The following CBLB variants were observed in gnomAD, a reference collection of about 807,000 sequenced individuals.
CBLB encodes Cbl proto-oncogene B.
A neutral mutation model predicts 104.9 loss-of-function variants in CBLB; 31 were observed. The observed-to-expected ratio is 0.30, with a 90% CI of 0.22 to 0.40. The LOEUF (loss-of-function observed/expected upper bound fraction) is 0.40. Among genes scored for constraint, CBLB ranks in the 10% least tolerant of loss-of-function variants. The pLI is 1.00. For missense variants in CBLB, 1,062 were observed against 1,214.6 expected, an observed-to-expected ratio of 0.87 and a Z score of 1.87; for synonymous variants, 440 against 422.6, an observed-to-expected ratio of 1.04 and a Z score of -0.51.
chr3:105,661,725 C>A (rs2063804894), intron 18 of CBLB, among the ~76,000 whole-genome samples: 1 of 152,138 alleles, frequency 6.6e-6, no homozygotes, highest in African/African-American at 2.4e-5. Flanking sequence ...AATCTTAAAT[C>A]TCAGTTTGGC....
At chr3:105,683,822 GTGT>G (rs1388797524) in intron 14 of CBLB, among the ~76,000 whole-genome samples, 2 of 152,152 alleles carry the variant, frequency 1.3e-5, no homozygotes, top group Non-Finnish European at 2.9e-5. Context: ...ATAGCAAGGA[GTGT>G]TTAGGTTCTT....
rs2087125488 is a variant in CBLB, at chr3:105,829,631, C to G, written c.419+23783G>C. 7.0e-5 allele frequency among the ~76,000 whole-genome samples: 9 copies of G among 128,952 alleles called. No individual in the cohort carries two copies. In the Admixed American group the frequency reaches 8.0e-4, roughly 11 times the overall value. The allele number at this position is 128,952 out of a possible 152,430, so 84.6% of individuals were successfully genotyped here. On this transcript the variant is annotated intron_variant, in intron 3 of 18. Transcript: ENST00000394030. Reference sequence around the variant, plus strand: ...CTGCAGTGAGCTGTGTTCATGCCACCACACCATAGCCAGAGCGACACAGCA... The same window carrying G: ...CTGCAGTGAGCTGTGTTCATGCCACGACACCATAGCCAGAGCGACACAGCA...
rs141478639 is a variant in CBLB at position 105,735,969 on chromosome 3, A to G, written c.1071+1202T>C. ...TCAAAAAAAGAAAAACAAGGCAATC[A>G]TTTATTAAATTTACACGTACAATAT... On this transcript the variant is annotated intron_variant, in intron 8 of 18. Transcript: ENST00000394030. 3.0e-3 allele frequency among the ~76,000 whole-genome samples: 458 copies of G among 152,246 alleles called. 2 individuals carry two copies. Among genetic ancestry groups the G allele is most frequent in the African/African-American group, 0.011 (441 of 41,554 alleles).
intron 10 of CBLB, among the ~76,000 whole-genome samples, chr3:105,717,559 A>G (rs1291174970): frequency 1.3e-5 from 2 of 152,228 alleles, no homozygotes; most frequent in African/African-American, 4.8e-5. Context: ...AAAGGGTCAC[A>G]AATCAATAAA....
At chr3:105,839,486 T>G (rs571825969) in intron 3 of CBLB, 5 of 152,280 alleles carry the variant, frequency 3.3e-5, no homozygotes, top group Non-Finnish European at 7.4e-5. Flanking sequence ...AGAGATAGGG[T>G]AGAGAAGAAA....
chr3:105,788,368 G>A (rs988185226), intron 3 of CBLB, among the ~76,000 whole-genome samples: 1 of 151,860 alleles, frequency 6.6e-6, no homozygotes, highest in African/African-American at 2.4e-5. Context: ...AAAAAAAGCA[G>A]GAGTGTCCAA....
chr3:105,678,496 T>C lies in CBLB; in HGVS notation c.2504A>G (p.His835Arg), dbSNP rs199556985. ...GCTACTGGAGCCAGGAGGTTTTGAA[T>C]GTTCAATGAGACTATGCCTTGCAGG... ...PPPARHSLIE[H>R]SKPPGSSSRP... Residue 835 changes from histidine to arginine, a missense_variant, in exon 17 of 19, where the codon CAT becomes CGT. By Grantham distance (29) the His-to-Arg change is conservative. Transcript: ENST00000394030. The C allele has an allele frequency of 9.3e-6, 15 of 1,613,852 alleles. No homozygotes were observed. Among genetic ancestry groups the C allele is most frequent in the Non-Finnish European group, 1.7e-6 (2 of 1,179,918 alleles).
chr3:105,765,851 A>G (rs1354778744), intron 4 of CBLB, among the ~76,000 whole-genome samples: 1 of 152,210 alleles, frequency 6.6e-6, no homozygotes, highest in South Asian at 2.1e-4. Flanking sequence ...CACAGTACTC[A>G]TTCTGCAGCC....
At chr3:105,852,044 A>T (rs886484503) in intron 3 of CBLB, among the ~76,000 whole-genome samples, 1 of 152,202 alleles carries the variant, frequency 6.6e-6, no homozygotes, top group Admixed American at 6.5e-5. Flanking sequence ...ATAATAAGTG[A>T]CTATATTACT....
intron 3 of CBLB, among the ~76,000 whole-genome samples, chr3:105,818,746 T>G (rs1156919304): frequency 6.6e-6 from 1 of 152,104 alleles, no homozygotes; most frequent in East Asian, 1.9e-4. Context: ...CATACAGATG[T>G]TCAGAAAAAT....
chr3:105,803,672 C>T (rs1311079370), intron 3 of CBLB, among the ~76,000 whole-genome samples: 3 of 152,236 alleles, frequency 2.0e-5, no homozygotes, highest in East Asian at 3.9e-4. Context: ...AGTAAGGAGA[C>T]AGTCCATTCT....
chr3:105,847,423 CACACA>C (rs1167696934), intron 3 of CBLB, among the ~76,000 whole-genome samples: 5 of 151,076 alleles, frequency 3.3e-5, no homozygotes, highest in African/African-American at 1.2e-4. Flanking sequence ...CACACACACA[CACACA>C]CCCCATTTTG....
At position 105,734,031 on chromosome 3, in the gene CBLB, G is replaced by A. The variant is rs2074634035; in HGVS notation, c.1181C>T (p.Thr394Ile). 1.2e-6 allele frequency: 2 copies of A among 1,613,828 alleles called. No individual in the cohort carries two copies. Among genetic ancestry groups the A allele is most frequent in the Admixed American group, 3.3e-5 (2 of 60,014 alleles). The change falls in exon 9 of 19, where the codon ACC (threonine) becomes ATC (isoleucine). Residue 394 changes from threonine (T) to isoleucine (I), a missense_variant. Around this residue, in one of 2 missense-constraint regions of CBLB, gnomAD observed 457 missense variants for 632.0 expected, o/e 0.72. Transcript: ENST00000394030. Reference protein sequence around the residue: ...KIEPCGHLMCTSCLTAWQESD... With the variant: ...KIEPCGHLMCISCLTAWQESD... Reference sequence around the variant, plus strand: ...TACCTGCCATGCCGTAAGGCAAGAGGTGCACATCAAATGCCCACAAGGCTC... The same window carrying A: ...TACCTGCCATGCCGTAAGGCAAGAGATGCACATCAAATGCCCACAAGGCTC...
intron 3 of CBLB, among the ~76,000 whole-genome samples, chr3:105,838,756 T>C (rs2089046230): frequency 6.6e-6 from 1 of 151,600 alleles, no homozygotes; most frequent in African/African-American, 2.4e-5. Flanking sequence ...TTCAAGCCAT[T>C]CTCCTGCCTC....
intron 3 of CBLB, among the ~76,000 whole-genome samples, chr3:105,850,250 G>C (rs1161225372): frequency 1.3e-5 from 2 of 152,018 alleles, no homozygotes; most frequent in Non-Finnish European, 2.9e-5. Context: ...ACCTGGAAGA[G>C]GGTTTTTTAT....
chr3:105,774,529 C>T (rs938113654), intron 4 of CBLB, among the ~76,000 whole-genome samples: 1 of 152,134 alleles, frequency 6.6e-6, no homozygotes, highest in Non-Finnish European at 1.5e-5. Context: ...TTTCTCAATT[C>T]AGTAAAAACA....
intron 13 of CBLB, among the ~76,000 whole-genome samples, chr3:105,688,090 A>G (rs1370323369): frequency 6.6e-6 from 1 of 152,074 alleles, no homozygotes; most frequent in Non-Finnish European, 1.5e-5. Flanking sequence ...AAAAATTTCT[A>G]TCTTATGGGG....
chr3:105,676,612 T>G (rs1314808847), intron 17 of CBLB, among the ~76,000 whole-genome samples: 6 of 152,142 alleles, frequency 3.9e-5, no homozygotes, highest in Admixed American at 3.9e-4. Flanking sequence ...CATGTTAAAG[T>G]CTATGTATAA....
At chr3:105,828,276 C>T (rs2086897820) in intron 3 of CBLB, among the ~76,000 whole-genome samples, 1 of 152,166 alleles carries the variant, frequency 6.6e-6, no homozygotes. Context: ...ACATCAGCAA[C>T]ATGTGAACCC....
Sources: gnomAD v4.1 joint callset for allele counts (sites outside exome capture counted in the v4.1 genomes callset) on GRCh38, gnomAD v4.1.1 for gene constraint, gnomAD v4.1.1 regional missense constraint, MANE v1.5 for transcripts, NCBI Gene and HGNC (gene_info 2026-07-23, HGNC 2026-07-21) for gene names.